LYST: variants seen among roughly 807,000 people sequenced by gnomAD.
The protein encoded by LYST is lysosomal trafficking regulator.
LYST carries 192 observed loss-of-function variants against 413.6 expected under a neutral mutation model. That is an observed-to-expected ratio of 0.46 (90% CI 0.41 to 0.52). LYST has a LOEUF of 0.52. Among genes scored for constraint, LYST ranks in the 20% least tolerant of loss-of-function variants. The probability of loss-of-function intolerance (pLI) is 0.00; values close to 1 mark genes in which losing one functional copy is unlikely to be tolerated. For missense variants in LYST, 3,815 were observed against 4,499.9 expected (o/e 0.85, Z 4.35); for synonymous variants, 1,525 against 1,567.3 (o/e 0.97, Z 0.64).
chr1:235,773,760 T>C, intron 19 of LYST, 82 bp downstream of exon 19: 2 of 1,159,986 alleles, frequency 1.7e-6, no homozygotes, highest in Non-Finnish European at 2.6e-6. Context: ...GAACTGAAAC[T>C]TAAAAATGCT....
rs1671022059 is a variant in LYST at position 235,791,762 on chromosome 1, C to G, written c.4480G>C (p.Gly1494Arg). 4 of 1,613,372 alleles carry G rather than the reference C, an allele frequency of 2.5e-6. No individual in the cohort carries two copies. Among genetic ancestry groups the G allele is most frequent in the South Asian group, 2.2e-5 (2 of 91,068 alleles). ...IHEAESTTEK[G>R]KKIKKRNKSL... ...TTGTTTCTTTTCTTTATCTTCTTTC[C>G]TTTTTCTGTAGTACTCTCAGCTTCA... is the stretch of plus-strand genomic sequence containing the variant. The change falls in exon 12 of 53, where the codon GGA becomes CGA. Residue 1494 changes from glycine to arginine, a missense_variant. Physicochemically the swap from Gly to Arg is moderately radical, Grantham distance 125 (BLOSUM62 -2). Transcript: ENST00000389793.
At chr1:235,688,520 G>A (rs554912555) in intron 47 of LYST, among the ~76,000 whole-genome samples, 58 of 152,220 alleles carry the variant, frequency 3.8e-4, no homozygotes, top group Non-Finnish European at 7.1e-4. Context: ...CATTGAACAC[G>A]GTGGAGAATT....
At chr1:235,693,758 T>C (rs1660862008) in intron 46 of LYST, among the ~76,000 whole-genome samples, 1 of 152,208 alleles carries the variant, frequency 6.6e-6, no homozygotes. Flanking sequence ...GAAATTATTA[T>C]AAAAGACAGT....
In LYST at chr1:235,730,836, T is replaced by C; in HGVS notation, c.9044+11A>G. 2 of 1,525,062 alleles carry C rather than the reference T, an allele frequency of 1.3e-6. No individual in the cohort carries two copies. The highest frequency in any genetic ancestry group is 1.8e-6 in the Non-Finnish European group (2 of 1,098,832). The allele number at this position is 1,525,062 out of a possible 1,614,324, so 94.5% of individuals were successfully genotyped here. On this transcript the variant is annotated intron_variant, in intron 36 of 52. Coordinates refer to ENST00000389793, the MANE Select transcript of LYST (RefSeq NM_000081.4). ...TCATGAAAGAGTGAAGGTCTATTGATTCAAAGTTACCTTATAGATTCACTT... is the reference window on the plus strand; with the variant it reads ...TCATGAAAGAGTGAAGGTCTATTGACTCAAAGTTACCTTATAGATTCACTT...
intron 1 of LYST, among the ~76,000 whole-genome samples, chr1:235,877,855 CAAAAAAAA>C (rs59783076): frequency 1.8e-5 from 2 of 113,520 alleles, no homozygotes; most frequent in African/African-American, 7.0e-5. Flanking sequence ...TATCTGCCAC[CAAAAAAAA>C]AAAAAAAAAA....
At position 235,877,855 on chromosome 1, in the gene LYST, CAAAAAA is replaced by C. The variant is rs59783076; in HGVS notation, n.454+5326_454+5331del. Among the ~76,000 whole-genome samples the C allele has an allele frequency of 6.7e-3, 762 of 113,512 alleles. 14 individuals are homozygous for C. Among genetic ancestry groups the C allele is most frequent in the African/African-American group, 0.024 (669 of 28,424 alleles). 74.5% of individuals were successfully genotyped at this position (113,512 alleles called of 152,430 possible). A position where few individuals can be genotyped will look rare whatever the true frequency, so the allele number is the denominator to read the frequency against. On this transcript the variant is annotated intron_variant and non_coding_transcript_variant, in intron 1 of 11. Coordinates refer to the LYST transcript ENST00000465349. ...GGAAGTATCTGACAATATCTGCCAC[CAAAAAA>C]AAAAAAAAAAAAAATCTAAAACACA...
intron 50 of LYST, among the ~76,000 whole-genome samples, chr1:235,672,223 A>T (rs1190854677): frequency 6.6e-6 from 1 of 152,190 alleles, no homozygotes; most frequent in African/African-American, 2.4e-5. Flanking sequence ...CCAAGTCTGG[A>T]TTTCAGGGTA....
chr1:235,814,881 C>T (rs1673874660), intron 3 of LYST, among the ~76,000 whole-genome samples: 1 of 152,160 alleles, frequency 6.6e-6, no homozygotes, highest in Admixed American at 6.5e-5. Flanking sequence ...CCCTCTGCCA[C>T]ACATGAGCCC....
At chr1:235,845,313 G>A (rs1677694761) in intron 1 of LYST, among the ~76,000 whole-genome samples, 1 of 152,184 alleles carries the variant, frequency 6.6e-6, no homozygotes, top group South Asian at 2.1e-4. Context: ...CAGGGGTAGA[G>A]AATGCAGCAG....
In LYST at chr1:235,854,465, G is replaced by GAAA. The variant is rs1407746276; in HGVS notation, c.-98+12377_-98+12378insTTT. On this transcript the variant is annotated intron_variant, in intron 1 of 52. Transcript: ENST00000389793. The surrounding 1 kb of genome is among the most constrained non-coding windows in gnomAD (Gnocchi z 4.1). ...TCTTTCAGTAAATGGCCTCTACCCA[G>GAAA]TGACTGAGGTGAGAAACCAGAATAG... Among the ~76,000 whole-genome samples, 8 of 152,134 alleles carry GAAA rather than the reference G, an allele frequency of 5.3e-5. No homozygotes were observed. The highest frequency in any genetic ancestry group is 1.9e-4 in the African/African-American group (8 of 41,412).
chr1:235,755,454 T>C (rs752908934), intron 25 of LYST, 24 bp downstream of exon 25: 10 of 1,569,150 alleles, frequency 6.4e-6, no homozygotes, highest in African/African-American at 5.7e-5. Flanking sequence ...TTCCCAATTA[T>C]AGTGGAGGGA....
chr1:235,834,538 C>G (rs943381893), intron 1 of LYST, among the ~76,000 whole-genome samples: 5 of 152,058 alleles, frequency 3.3e-5, no homozygotes, highest in Non-Finnish European at 7.4e-5. Context: ...GTACCTGGCC[C>G]AGGAGTGATC....
At position 235,808,874 on chromosome 1, in the gene LYST, G is replaced by C. The variant is rs1183987501; in HGVS notation, c.1944C>G (p.Ala648=). The C allele has an allele frequency of 6.2e-7, 1 of 1,613,688 alleles. No individual in the cohort carries two copies. Among genetic ancestry groups the C allele is most frequent in the Non-Finnish European group, 8.5e-7 (1 of 1,179,914 alleles). The change falls in exon 5 of 53, where the codon GCC becomes GCG. Residue 648 remains alanine (A), a synonymous_variant. Coordinates refer to ENST00000389793, the MANE Select transcript of LYST (RefSeq NM_000081.4). Reference sequence around the variant, plus strand: ...TTCCCTGCAGTGTCTCTTCTAATTGGGCTAGTTGGTCAGAGTCAACAGTAC... The same window carrying C: ...TTCCCTGCAGTGTCTCTTCTAATTGCGCTAGTTGGTCAGAGTCAACAGTAC... ...NICTVDSDQL[A]QLEETLQGNL... is the part of the protein sequence containing the mutation.
intron 42 of LYST, chr1:235,712,719 A>T: frequency 1.0e-6 from 1 of 984,626 alleles, no homozygotes; most frequent in Non-Finnish European, 1.2e-6. Context: ...GTTACGGTGC[A>T]TTGTTTTTTG....
At chr1:235,762,681 A>G (rs748796344) in intron 22 of LYST, 39 bp downstream of exon 22, 1 of 1,595,014 alleles carries the variant, frequency 6.3e-7, no homozygotes, top group South Asian at 1.1e-5. Context: ...ATTCAGAACT[A>G]AAATGAGAAG....
At chr1:235,712,368 A>T in intron 42 of LYST, 171 bp from the exon 43 acceptor site, 1 of 560,250 alleles carries the variant, frequency 1.8e-6, no homozygotes, top group Non-Finnish European at 3.0e-6. Flanking sequence ...ATTTCTATAA[A>T]CTTGAGATCA....
chr1:235,823,228 G>C (rs1005805266), intron 3 of LYST, among the ~76,000 whole-genome samples: 2 of 152,158 alleles, frequency 1.3e-5, no homozygotes, highest in South Asian at 4.1e-4. Context: ...GAGTGGTTAA[G>C]ATTTCCACTG....
chr1:235,809,639 C>T lies in LYST; in HGVS notation c.1179G>A (p.Lys393=). Residue 393 remains lysine, a synonymous_variant, in exon 5 of 53, where the codon AAG becomes AAA. Transcript: ENST00000389793. The surrounding 1 kb of genome is among the most constrained non-coding windows in gnomAD (Gnocchi z 4.0). ...GTAAAAGAAGGGCTCTATGACGATACTTTGAAAACACAAAATCTTCCTGAA... is the reference window on the plus strand; with the variant it reads ...GTAAAAGAAGGGCTCTATGACGATATTTTGAAAACACAAAATCTTCCTGAA... The part of the protein sequence containing the change: ...QEVQEDFVFS[K]YRHRALLLPE... 1.2e-6 allele frequency: 2 copies of T among 1,614,114 alleles called. No individual in the cohort carries two copies. The highest frequency in any genetic ancestry group is 2.2e-5 in the South Asian group (2 of 91,084).
In LYST at chr1:235,753,080, C is replaced by T. The variant is rs1290241875; in HGVS notation, c.7424G>A (p.Cys2475Tyr). The change falls in exon 26 of 53, where the codon TGT becomes TAT. Residue 2475 changes from cysteine to tyrosine, a missense_variant. Physicochemically the swap from Cys to Tyr is radical, Grantham distance 194. Around this residue, in one of 4 missense-constraint regions of LYST, gnomAD observed 771 missense variants for 837.1 expected, o/e 0.92. Transcript: ENST00000389793. ...TCCATTCAGGGCTGCTACTGTATTACATAACACATAGAGTAGACCATTATC... is the reference window on the plus strand; with the variant it reads ...TCCATTCAGGGCTGCTACTGTATTATATAACACATAGAGTAGACCATTATC... The part of the protein sequence containing the change: ...LLDNGLLYVL[C>Y]NTVAALNGLE... The T allele has an allele frequency of 6.3e-7, 1 of 1,598,702 alleles. No homozygotes were observed. The highest frequency in any genetic ancestry group is 8.6e-7 in the Non-Finnish European group (1 of 1,166,508).
Sources: allele counts gnomAD v4.1 joint callset (sites outside exome capture counted in the v4.1 genomes callset), GRCh38; gene constraint gnomAD v4.1.1; regional missense constraint gnomAD v4.1.1; non-coding constraint Gnocchi (gnomAD v3.1); transcripts MANE v1.5; gene names NCBI Gene and HGNC (gene_info 2026-07-23, HGNC 2026-07-21).